Variants in COP1 observed in about 807,000 individuals in gnomAD.
The protein encoded by COP1 is COP1 E3 ubiquitin ligase.
A neutral mutation model predicts 101.3 loss-of-function variants in COP1; 24 were observed. That is an observed-to-expected ratio of 0.24 (90% CI 0.17 to 0.33). The LOEUF (loss-of-function observed/expected upper bound fraction) is 0.33, where lower values mean the gene tolerates loss of function less well. Among genes scored for constraint, COP1 ranks in the 10% least tolerant of loss-of-function variants. The pLI is 1.00. For synonymous variants in COP1, 347 were observed against 341.9 expected (o/e 1.01, Z -0.17); for missense variants, 663 against 906.2 (o/e 0.73, Z 3.45).
chr1:176,120,672 C>A (rs180717980), intron 8 of COP1, among the ~76,000 whole-genome samples: 113 of 152,150 alleles, frequency 7.4e-4, no homozygotes, highest in Middle Eastern at 3.4e-3. Context: ...ACTATTTTCA[C>A]CTAGATTATT....
intron 15 of COP1, among the ~76,000 whole-genome samples, chr1:176,005,830 T>C (rs973798284): frequency 6.6e-5 from 10 of 152,238 alleles, no homozygotes; most frequent in Admixed American, 3.3e-4. Flanking sequence ...ATTCTGTTGA[T>C]TTGGGGTGGA....
rs955857621 is a variant in COP1, at chr1:176,163,929, G to T, written c.566-38C>A. ...ACAAAATAAAAAGCACACATAATTT[G>T]TATTTTTGTTAAATGTATCATGTAA... On this transcript the variant is annotated intron_variant, in intron 3 of 19. Transcript: ENST00000367669. 5 of 1,408,638 alleles carry T rather than the reference G, an allele frequency of 3.5e-6. No individual in the cohort carries two copies. The African/African-American group carries it at 7.1e-5, about 20-fold the overall frequency. 87.3% of individuals were successfully genotyped at this position (1,408,638 alleles called of 1,614,324 possible).
chr1:176,127,650 T>C (rs1688244857), intron 8 of COP1, among the ~76,000 whole-genome samples: 1 of 151,814 alleles, frequency 6.6e-6, no homozygotes, highest in African/African-American at 2.4e-5. Context: ...TTTAAATTCA[T>C]TCATCCATTT....
intron 18 of COP1, among the ~76,000 whole-genome samples, chr1:175,985,378 T>G (rs906114617): frequency 6.6e-6 from 1 of 152,220 alleles, no homozygotes; most frequent in Admixed American, 6.5e-5. Context: ...GATCTTATCT[T>G]TTTTCAGAGG....
At chr1:175,959,860 A>G (rs1421583484) in intron 18 of COP1, among the ~76,000 whole-genome samples, 1 of 152,178 alleles carries the variant, frequency 6.6e-6, no homozygotes, top group African/African-American at 2.4e-5. Flanking sequence ...ATTGTATAAT[A>G]GATCAAATAC....
At chr1:176,062,134 G>A (rs1049993431) in intron 11 of COP1, among the ~76,000 whole-genome samples, 2 of 152,050 alleles carry the variant, frequency 1.3e-5, no homozygotes, top group African/African-American at 4.8e-5. Context: ...CCGAGTAGCT[G>A]GGACTACAGG....
intron 15 of COP1, among the ~76,000 whole-genome samples, chr1:176,002,227 G>A (rs1196112527): frequency 1.3e-5 from 2 of 152,052 alleles, no homozygotes; most frequent in East Asian, 3.8e-4. Flanking sequence ...TGGCATGCTT[G>A]ATGGTGTCTC....
At chr1:176,163,465 C>G (rs1694650728) in intron 4 of COP1, among the ~76,000 whole-genome samples, 2 of 152,198 alleles carry the variant, frequency 1.3e-5, no homozygotes, top group South Asian at 4.1e-4. Flanking sequence ...GAGTGATCCT[C>G]CCACCTTGGC....
intron 10 of COP1, among the ~76,000 whole-genome samples, chr1:176,082,809 AAAAAAAGAAAAAAG>A (rs368756427): frequency 6.6e-6 from 1 of 152,114 alleles, no homozygotes; most frequent in Non-Finnish European, 1.5e-5. Context: ...CCATCTCAAA[AAAAAAAGAAAAAAG>A]AAAAAAGAAA....
chr1:176,033,836 T>C (rs1669039850), intron 14 of COP1, among the ~76,000 whole-genome samples: 1 of 152,184 alleles, frequency 6.6e-6, no homozygotes. Flanking sequence ...AAACATTTAC[T>C]AAATACAAAA....
intron 8 of COP1, among the ~76,000 whole-genome samples, chr1:176,121,574 G>A (rs1687127118): frequency 6.6e-6 from 1 of 152,108 alleles, no homozygotes; most frequent in Non-Finnish European, 1.5e-5. Flanking sequence ...GGAGTGCAGT[G>A]ACACAATTCC....
At chr1:176,142,661 C>A (rs1690884114) in intron 6 of COP1, among the ~76,000 whole-genome samples, 2 of 150,460 alleles carry the variant, frequency 1.3e-5, no homozygotes, top group African/African-American at 2.4e-5. Flanking sequence ...ATATTATATT[C>A]AAAGAAAGAA....
chr1:176,034,004 T>TAA (rs1669069350), intron 14 of COP1, among the ~76,000 whole-genome samples: 1 of 152,222 alleles, frequency 6.6e-6, no homozygotes, highest in African/African-American at 2.4e-5. Flanking sequence ...AAGATGGGCT[T>TAA]AAAAGCATTT....
chr1:176,122,717 T>C (rs960766578), intron 8 of COP1, among the ~76,000 whole-genome samples: 2 of 152,228 alleles, frequency 1.3e-5, no homozygotes, highest in African/African-American at 4.8e-5. Flanking sequence ...TTATACCGCC[T>C]TTTAAAATGT....
chr1:176,019,505 T>TAATAATAAC (rs1374161037), intron 15 of COP1, among the ~76,000 whole-genome samples: 1,915 of 133,030 alleles, frequency 0.014, 28 homozygotes, highest in African/African-American at 0.022. Flanking sequence ...ATAATAATAA[T>TAATAATAAC]AACCATCATC....
At chr1:176,016,596 G>A (rs1665693941) in intron 15 of COP1, among the ~76,000 whole-genome samples, 1 of 152,100 alleles carries the variant, frequency 6.6e-6, no homozygotes, top group Admixed American at 6.5e-5. Context: ...TCTGAGTTAG[G>A]GGAAACTGCA....
At chr1:176,070,662 A>T (rs2149346330) in intron 11 of COP1, among the ~76,000 whole-genome samples, 1 of 151,888 alleles carries the variant, frequency 6.6e-6, no homozygotes, top group African/African-American at 2.4e-5. Context: ...ACTCCATTTC[A>T]AAAAAAATAA....
chr1:176,075,319 C>T (rs949457402), intron 11 of COP1, among the ~76,000 whole-genome samples: 1 of 152,152 alleles, frequency 6.6e-6, no homozygotes, highest in African/African-American at 2.4e-5. Context: ...CCAATAGTTT[C>T]TTTAGCTAAT....
intron 7 of COP1, among the ~76,000 whole-genome samples, chr1:176,135,832 CAT>C (rs1689705512): frequency 6.6e-6 from 1 of 152,018 alleles, no homozygotes; most frequent in South Asian, 2.1e-4. Context: ...AGGTAAGTGA[CAT>C]AAATGTGTAA....
Sources: allele counts gnomAD v4.1 joint callset (sites outside exome capture counted in the v4.1 genomes callset), GRCh38; gene constraint gnomAD v4.1.1; transcripts MANE v1.5; gene names NCBI Gene and HGNC (gene_info 2026-07-23, HGNC 2026-07-21).